The following WHRN variants were observed in gnomAD, a reference collection of about 807,000 sequenced individuals.
WHRN encodes the protein whirlin.
Under a neutral mutation model 68.3 loss-of-function variants are expected in WHRN, and 41 were observed. That is an observed-to-expected ratio of 0.60 (90% CI 0.47 to 0.78). The LOEUF is 0.78. WHRN is among the 30% of genes least tolerant of loss of function. The pLI, the probability that WHRN is intolerant of heterozygous loss-of-function variation, is 0.00. For missense variants in WHRN, 1,243 were observed against 1,244.7 expected, an observed-to-expected ratio of 1.00 and a Z score of 0.02; for synonymous variants, 560 against 561.3, an observed-to-expected ratio of 1.00 and a Z score of 0.03.
At chr9:114,482,696 G>A (rs1842186273) in intron 1 of WHRN, among the ~76,000 whole-genome samples, 1 of 152,004 alleles carries the variant, frequency 6.6e-6, no homozygotes, top group Admixed American at 6.5e-5. Flanking sequence ...AAAAAAAAAG[G>A]GAAGGAAAGA....
At chr9:114,406,920 G>A (rs1347674641) in intron 8 of WHRN, 28 bp from the exon 9 acceptor site, 1 of 1,554,168 alleles carries the variant, frequency 6.4e-7, no homozygotes, top group Non-Finnish European at 8.7e-7. Context: ...AGGCGGAGAA[G>A]GAGTCAGACC....
Position 114,424,888 on chromosome 9 carries a change from A to G in WHRN, c.1203+100T>C, listed in dbSNP as rs543137777. The G allele has an allele frequency of 3.1e-6, 4 of 1,308,502 alleles. No individual in the cohort carries two copies. In the South Asian group the frequency reaches 4.7e-5, roughly 15 times the overall value. The allele number at this position is 1,308,502 out of a possible 1,614,324, so 81.1% of individuals were successfully genotyped here. A position where few individuals can be genotyped will look rare whatever the true frequency, so the allele number is the denominator to read the frequency against. On this transcript the variant is annotated intron_variant, in intron 5 of 11. Coordinates refer to ENST00000362057, the MANE Select transcript of WHRN (RefSeq NM_015404.4). Reference sequence around the variant, plus strand: ...GGCAGATAAGGGGCTGCCCAGTTGGAATGAGGTAGTGTAAGTCACTCGGCA... The same window carrying G: ...GGCAGATAAGGGGCTGCCCAGTTGGGATGAGGTAGTGTAAGTCACTCGGCA...
At chr9:114,435,296 A>G (rs1022848835) in intron 3 of WHRN, among the ~76,000 whole-genome samples, 1 of 152,220 alleles carries the variant, frequency 6.6e-6, no homozygotes, top group Non-Finnish European at 1.5e-5. Context: ...ACAATTAAAT[A>G]AATGGATGAG....
chr9:114,428,189 G>A (rs114367242), intron 3 of WHRN, among the ~76,000 whole-genome samples: 1,590 of 152,246 alleles, frequency 0.01, 36 homozygotes, highest in African/African-American at 0.036. Flanking sequence ...TTAGCCCGGC[G>A]AGGTGGTGCG....
At chr9:114,489,491 TACAC>T (rs143212773) in intron 1 of WHRN, among the ~76,000 whole-genome samples, 3 of 149,974 alleles carry the variant, frequency 2.0e-5, no homozygotes, top group African/African-American at 7.4e-5. Context: ...CACACACACG[TACAC>T]ACACACACGC....
At chr9:114,492,015 GAA>G (rs60968756) in intron 1 of WHRN, among the ~76,000 whole-genome samples, 55,882 of 144,472 alleles carry the variant, frequency 0.39, 12,637 homozygotes, top group East Asian at 0.56. Flanking sequence ...TTTGTAATTT[GAA>G]AAAAAAAAAA....
intron 4 of WHRN, chr9:114,425,858 CTCTCTCTT>C (rs1219606220): frequency 1.6e-5 from 6 of 374,114 alleles, no homozygotes; most frequent in Non-Finnish European, 5.1e-6. Flanking sequence ...CCCAAAGCAT[CTCTCTCTT>C]TCCCTCTCCC....
chr9:114,465,297 GC>G (rs1840585379), intron 3 of WHRN, among the ~76,000 whole-genome samples: 1 of 152,164 alleles, frequency 6.6e-6, no homozygotes, highest in South Asian at 2.1e-4. Context: ...TGCAAGGAAG[GC>G]CCTTTGTTAC....
chr9:114,493,721 A>G (rs1274923688), intron 1 of WHRN, among the ~76,000 whole-genome samples: 1 of 152,158 alleles, frequency 6.6e-6, no homozygotes, highest in Non-Finnish European at 1.5e-5. Context: ...AGGAAAAAGG[A>G]AAAAAACAAA....
chr9:114,493,720 G>GA (rs968120595), intron 1 of WHRN, among the ~76,000 whole-genome samples: 1 of 152,002 alleles, frequency 6.6e-6, no homozygotes, highest in Non-Finnish European at 1.5e-5. Flanking sequence ...GAGGAAAAAG[G>GA]AAAAAAACAA....
intron 1 of WHRN, among the ~76,000 whole-genome samples, chr9:114,483,443 G>C (rs574716486): frequency 5.3e-5 from 8 of 152,184 alleles, no homozygotes; most frequent in Admixed American, 1.3e-4. Context: ...CATTCAACAG[G>C]AGAGTTATTT....
chr9:114,408,426 A>G (rs146646634), intron 7 of WHRN, among the ~76,000 whole-genome samples: 1 of 152,214 alleles, frequency 6.6e-6, no homozygotes, highest in African/African-American at 2.4e-5. Flanking sequence ...TGGATGGGGA[A>G]AGTCTCTCCC....
intron 3 of WHRN, among the ~76,000 whole-genome samples, chr9:114,440,245 AT>A (rs1222763853): frequency 1.3e-5 from 2 of 150,384 alleles, no homozygotes; most frequent in Non-Finnish European, 3.0e-5. Context: ...TTAAGAAGAA[AT>A]TTTTTTTTTG....
chr9:114,504,321 C>G lies in WHRN; in HGVS notation c.481G>C (p.Glu161Gln). 1 of 1,611,878 alleles carries G rather than the reference C, an allele frequency of 6.2e-7. No individual in the cohort carries two copies. The highest frequency in any genetic ancestry group is 8.5e-7 in the Non-Finnish European group (1 of 1,180,036). Reference protein sequence around the residue: ...GLGFSIRGGSEHGVGIYVSLV... With the variant: ...GLGFSIRGGSQHGVGIYVSLV... Reference sequence around the variant, plus strand: ...GACACGTAGATGCCCACGCCGTGCTCCGAGCCCCCACGGATGCTGAAGCCC... The same window carrying G: ...GACACGTAGATGCCCACGCCGTGCTGCGAGCCCCCACGGATGCTGAAGCCC... The change falls in exon 1 of 12, where the codon GAG becomes CAG. Residue 161 changes from glutamate (E) to glutamine (Q), a missense_variant. Coordinates refer to ENST00000362057, the MANE Select transcript of WHRN (RefSeq NM_015404.4).
chr9:114,438,516 A>G (rs1252922944), intron 3 of WHRN, among the ~76,000 whole-genome samples: 2 of 145,240 alleles, frequency 1.4e-5, no homozygotes, highest in Non-Finnish European at 3.0e-5. Flanking sequence ...GCAGTGGCGC[A>G]ATCTTGGCTC....
intron 3 of WHRN, among the ~76,000 whole-genome samples, chr9:114,449,541 A>G (rs1022746928): frequency 1.3e-5 from 2 of 152,226 alleles, no homozygotes; most frequent in African/African-American, 4.8e-5. Flanking sequence ...AGGACTAAGC[A>G]TCTCGAATTT....
Position 114,402,816 on chromosome 9 carries a change from AGGCCTCGG to A in WHRN, c.2654_2661del (p.Ala885ValfsTer4). The A allele has an allele frequency of 6.2e-7, 1 of 1,614,116 alleles. No individual in the cohort carries two copies. Among genetic ancestry groups the A allele is most frequent in the Non-Finnish European group, 8.5e-7 (1 of 1,180,030 alleles). On this transcript the variant is annotated frameshift_variant, in exon 12 of 12. Transcript: ENST00000362057. LOFTEE classifies it high-confidence loss of function. The stretch of plus-strand genomic sequence containing the variant: ...ATGTAGTCACGGTCCTTAGTCTTGA[AGGCCTCGG>A]CGATAATGCGGGCGGCCTCCCGGTG...
intron 3 of WHRN, among the ~76,000 whole-genome samples, chr9:114,444,737 T>C (rs1301792974): frequency 6.6e-6 from 1 of 151,992 alleles, no homozygotes; most frequent in African/African-American, 2.4e-5. Context: ...CTTGCTTTTT[T>C]TCACTTAATA....
chr9:114,421,940 G>A (rs1041202344), intron 7 of WHRN, among the ~76,000 whole-genome samples: 3 of 152,140 alleles, frequency 2.0e-5, no homozygotes, highest in Non-Finnish European at 4.4e-5. Flanking sequence ...GGGAGGGATA[G>A]GGGTAAAAGA....
Sources: gnomAD v4.1 joint callset for allele counts (sites outside exome capture counted in the v4.1 genomes callset) on GRCh38, gnomAD v4.1.1 for gene constraint, MANE v1.5 for transcripts, NCBI Gene and HGNC (gene_info 2026-07-23, HGNC 2026-07-21) for gene names.